AGAP1: variants seen among roughly 807,000 people sequenced by gnomAD.
The protein encoded by AGAP1 is ArfGAP with GTPase domain, ankyrin repeat and PH domain 1, also known as arf-GAP with GTPase, ANK repeat and PH domain-containing protein 1.
Under a neutral mutation model 105.3 loss-of-function variants are expected in AGAP1, and 29 were observed. The observed-to-expected ratio is 0.28, with a 90% confidence interval of 0.21 to 0.38. The LOEUF (loss-of-function observed/expected upper bound fraction) is 0.38. AGAP1 is among the 10% of genes least tolerant of loss of function. AGAP1 has a pLI of 1.00. For synonymous variants in AGAP1, 509 were observed against 485.9 expected, an observed-to-expected ratio of 1.05 and a Z score of -0.63; for missense variants, 998 against 1,165.1, an observed-to-expected ratio of 0.86 and a Z score of 2.09.
chr2:236,094,577 C>G (rs1423899060), intron 16 of AGAP1, among the ~76,000 whole-genome samples: 1 of 151,974 alleles, frequency 6.6e-6, no homozygotes, highest in Non-Finnish European at 1.5e-5. Context: ...GTCTTGATCT[C>G]CTGGATTCAA....
chr2:235,833,053 G>A (rs1959629186), intron 9 of AGAP1, among the ~76,000 whole-genome samples: 1 of 152,174 alleles, frequency 6.6e-6, no homozygotes, highest in African/African-American at 2.4e-5. Context: ...ACAAGACCTG[G>A]AGGGGGCCGG....
chr2:235,821,360 G>A (rs941116472), intron 9 of AGAP1, among the ~76,000 whole-genome samples: 2 of 151,494 alleles, frequency 1.3e-5, no homozygotes, highest in African/African-American at 4.9e-5. Flanking sequence ...GTGAACTGGG[G>A]TAGGTTTAAA....
At chr2:235,935,569 A>G (rs1378867148) in intron 12 of AGAP1, among the ~76,000 whole-genome samples, 3 of 152,160 alleles carry the variant, frequency 2.0e-5, no homozygotes. Context: ...GTTGTGGTTT[A>G]AACTGTTTAT....
intron 1 of AGAP1, among the ~76,000 whole-genome samples, chr2:235,681,843 C>CTTTTTTTTTTTTTT (rs56934868): frequency 1.3e-5 from 1 of 78,302 alleles, no homozygotes; most frequent in Non-Finnish European, 2.4e-5. Flanking sequence ...ATTTAGTTTG[C>CTTTTTTTTTTTTTT]TTTTTTTTTT....
Position 235,875,176 on chromosome 2 carries a change from T to C in AGAP1, c.1051-8169T>C, listed in dbSNP as rs2049655533. Among the ~76,000 whole-genome samples the C allele has an allele frequency of 1.3e-5, 2 of 152,200 alleles. No individual in the cohort carries two copies. Among genetic ancestry groups the C allele is most frequent in the African/African-American group, 4.8e-5 (2 of 41,442 alleles). On this transcript the variant is annotated intron_variant, in intron 9 of 17. Transcript: ENST00000304032. This position sits in a 1 kb window ranked among gnomAD's most constrained non-coding sequence, Gnocchi z 4.0. Reference sequence around the variant, plus strand: ...TTATAAATGAGGTCACTTTTCAACCTTACTGGTCCATGGCCCTGTCCTGTT... The same window carrying C: ...TTATAAATGAGGTCACTTTTCAACCCTACTGGTCCATGGCCCTGTCCTGTT...
At chr2:236,079,381 A>C (rs1360872162) in intron 16 of AGAP1, among the ~76,000 whole-genome samples, 4 of 151,418 alleles carry the variant, frequency 2.6e-5, no homozygotes, top group Non-Finnish European at 5.9e-5. Flanking sequence ...AAAAAAAAAA[A>C]AAAAAAAACA....
chr2:235,687,230 G>A (rs946183532), intron 1 of AGAP1, among the ~76,000 whole-genome samples: 2 of 152,134 alleles, frequency 1.3e-5, no homozygotes, highest in Non-Finnish European at 2.9e-5. Context: ...CATTCTTCAG[G>A]CAGTTAATTT....
intron 16 of AGAP1, among the ~76,000 whole-genome samples, chr2:236,102,155 C>CGT (rs1559277093): frequency 3.2e-4 from 48 of 152,206 alleles, no homozygotes; most frequent in African/African-American, 8.9e-4. Flanking sequence ...CGGTGGCTCA[C>CGT]GCCTGTAATC....
chr2:236,032,459 C>T (rs986827566), intron 13 of AGAP1, among the ~76,000 whole-genome samples: 8 of 152,138 alleles, frequency 5.3e-5, no homozygotes, highest in East Asian at 1.9e-4. Context: ...CCATCAGCAA[C>T]GTCAGGTGCT....
Position 235,900,279 on chromosome 2 carries a change from T to C in AGAP1, c.1156-8459T>C, listed in dbSNP as rs1272193295. Among the ~76,000 whole-genome samples the C allele has an allele frequency of 1.3e-5, 2 of 152,202 alleles. No homozygotes were observed. Among genetic ancestry groups the C allele is most frequent in the Admixed American group, 1.3e-4 (2 of 15,282 alleles). On this transcript the variant is annotated intron_variant, in intron 10 of 17. Coordinates refer to ENST00000304032, the MANE Select transcript of AGAP1 (RefSeq NM_001037131.3). The surrounding 1 kb of genome is among the most constrained non-coding windows in gnomAD (Gnocchi z 5.5). ...ACTGATTTCATCTTGATAGTCTGGG[T>C]CAGTCACTCCAGCCAACACTGTAAC...
intron 1 of AGAP1, among the ~76,000 whole-genome samples, chr2:235,695,692 G>A (rs1949963390): frequency 6.6e-6 from 1 of 152,222 alleles, no homozygotes; most frequent in Non-Finnish European, 1.5e-5. Flanking sequence ...CAGGCAGAGG[G>A]CCGGGCGCAG....
At chr2:235,573,988 C>G (rs970193847) in intron 1 of AGAP1, among the ~76,000 whole-genome samples, 8 of 152,248 alleles carry the variant, frequency 5.3e-5, no homozygotes, top group Admixed American at 2.6e-4. Context: ...ATTGACCCCT[C>G]CCTTCCTGTG....
In AGAP1 at chr2:235,981,638, T is replaced by C. The variant is rs144053713; in HGVS notation, c.1645+13015T>C. On this transcript the variant is annotated intron_variant, in intron 13 of 17. Coordinates refer to ENST00000304032, the MANE Select transcript of AGAP1 (RefSeq NM_001037131.3). The surrounding 1 kb of genome is among the most constrained non-coding windows in gnomAD (Gnocchi z 5.5). Reference sequence around the variant, plus strand: ...CACTATCAATTATTGACCACTGCCATGTGTCAGGCACTGGGCTTAAGTGCT... The same window carrying C: ...CACTATCAATTATTGACCACTGCCACGTGTCAGGCACTGGGCTTAAGTGCT... Among the ~76,000 whole-genome samples the C allele has an allele frequency of 1.1e-4, 16 of 152,334 alleles. No individual in the cohort carries two copies. Among genetic ancestry groups the C allele is most frequent in the South Asian group, 6.2e-4 (3 of 4,830 alleles).
Position 235,724,104 on chromosome 2 carries a change from T to A in AGAP1, c.310+6460T>A, listed in dbSNP as rs1382008195. The stretch of plus-strand genomic sequence containing the variant: ...TGGCATTCCCGGGTCTTCATGAGCT[T>A]AATTCAGCAGGGGCTCCTTCCTTCA... On this transcript the variant is annotated intron_variant, in intron 3 of 17. Transcript: ENST00000304032. This position sits in a 1 kb window ranked among gnomAD's most constrained non-coding sequence, Gnocchi z 4.9. 6.6e-6 allele frequency among the ~76,000 whole-genome samples: 1 copy of A among 152,224 alleles called. No homozygotes were observed. The highest frequency in any genetic ancestry group is 1.9e-4 in the East Asian group (1 of 5,184).
At chr2:235,666,848 A>C (rs1180648991) in intron 1 of AGAP1, among the ~76,000 whole-genome samples, 1 of 152,074 alleles carries the variant, frequency 6.6e-6, no homozygotes, top group Non-Finnish European at 1.5e-5. Context: ...TGGACAAGCT[A>C]CTTTCATATT....
intron 6 of AGAP1, among the ~76,000 whole-genome samples, chr2:235,766,307 C>G (rs1361081155): frequency 6.6e-6 from 1 of 152,164 alleles, no homozygotes; most frequent in Non-Finnish European, 1.5e-5. Context: ...GACATTGGGT[C>G]TGTGACAAGG....
rs766024201 is a variant in AGAP1, at chr2:235,930,645, G to A, written c.1325-120G>A. 9 of 1,018,048 alleles carry A rather than the reference G, an allele frequency of 8.8e-6. No individual in the cohort carries two copies. The East Asian group carries it at 2.0e-4, about 23-fold the overall frequency. The allele number at this position is 1,018,048 out of a possible 1,614,324, so 63.1% of individuals were successfully genotyped here. On this transcript the variant is annotated intron_variant, in intron 11 of 17. Coordinates refer to ENST00000304032, the MANE Select transcript of AGAP1 (RefSeq NM_001037131.3). This position sits in a 1 kb window ranked among gnomAD's most constrained non-coding sequence, Gnocchi z 7.9. ...TTCCGTTTGCCATGCAGGCAGGACAGGGGCTGCTCTCGGTGGTAAGGTGCA... is the reference window on the plus strand; with the variant it reads ...TTCCGTTTGCCATGCAGGCAGGACAAGGGCTGCTCTCGGTGGTAAGGTGCA...
chr2:236,120,297 C>T lies in AGAP1; in HGVS notation c.2220C>T (p.Thr740=), dbSNP rs759646919. 8.1e-6 allele frequency: 13 copies of T among 1,612,916 alleles called. No homozygotes were observed. Among genetic ancestry groups the T allele is most frequent in the Admixed American group, 3.3e-5 (2 of 59,966 alleles). Residue 740 remains threonine, a synonymous_variant, in exon 17 of 18, where the codon ACC becomes ACT. Coordinates refer to ENST00000304032, the MANE Select transcript of AGAP1 (RefSeq NM_001037131.3). This position sits in a 1 kb window ranked among gnomAD's most constrained non-coding sequence, Gnocchi z 6.0. ...LSLGQHLLRA[T]ADEDLRTAIL... The stretch of plus-strand genomic sequence containing the variant: ...TGGGCCAGCACCTGCTGCGGGCCAC[C>T]GCCGACGAGGACCTGCGGACGGCCA...
chr2:235,939,319 G>A (rs960876008), intron 12 of AGAP1, among the ~76,000 whole-genome samples: 9 of 151,966 alleles, frequency 5.9e-5, no homozygotes, highest in Admixed American at 5.2e-4. Flanking sequence ...AGCCTCTGGA[G>A]CTTCCATGTA....
Sources: allele counts gnomAD v4.1 joint callset (sites outside exome capture counted in the v4.1 genomes callset), GRCh38; gene constraint gnomAD v4.1.1; non-coding constraint Gnocchi (gnomAD v3.1); transcripts MANE v1.5; gene names NCBI Gene and HGNC (gene_info 2026-07-23, HGNC 2026-07-21).